Variants in STPG2 observed in about 807,000 individuals in gnomAD.
STPG2 encodes sperm-tail PG-rich repeat-containing protein 2.
STPG2 carries 56 observed loss-of-function variants against 54.2 expected under a neutral mutation model. The observed-to-expected ratio is 1.03, with a 90% CI of 0.83 to 1.29. The LOEUF (loss-of-function observed/expected upper bound fraction) is 1.29. Ranked by LOEUF, STPG2 falls within the 50% of genes most tolerant of loss-of-function variation. The pLI is 0.00. For synonymous variants in STPG2, 200 were observed against 181.8 expected (o/e 1.10, Z -0.81); for missense variants, 596 against 544.9 (o/e 1.09, Z -0.93).
At chr4:97,883,516 G>A (rs1730453690) in intron 8 of STPG2, among the ~76,000 whole-genome samples, 1 of 151,998 alleles carries the variant, frequency 6.6e-6, no homozygotes, top group Non-Finnish European at 1.5e-5. Flanking sequence ...TAGTGGAAAA[G>A]GTGACTAACA....
intron 10 of STPG2, among the ~76,000 whole-genome samples, chr4:97,605,697 T>C (rs1373128298): frequency 4.6e-5 from 7 of 151,708 alleles, no homozygotes; most frequent in Non-Finnish European, 1.5e-5. Flanking sequence ...TCATTATGAT[T>C]CCTATACTGT....
At chr4:97,467,258 C>T (rs982704095) in intron 4 of STPG2, among the ~76,000 whole-genome samples, 3 of 151,750 alleles carry the variant, frequency 2.0e-5, no homozygotes, top group Non-Finnish European at 4.4e-5. Flanking sequence ...AGAGGTTTAT[C>T]ATTTGATAAA....
intron 5 of STPG2, among the ~76,000 whole-genome samples, chr4:97,993,527 T>A (rs1441923540): frequency 6.7e-6 from 1 of 148,210 alleles, no homozygotes; most frequent in Non-Finnish European, 1.5e-5. Context: ...GGGATATTGG[T>A]CTTTAGTTTT....
chr4:97,744,341 A>G (rs1290796506), intron 9 of STPG2, among the ~76,000 whole-genome samples: 1 of 151,276 alleles, frequency 6.6e-6, no homozygotes, highest in Admixed American at 6.6e-5. Flanking sequence ...TCTTATCTTG[A>G]TGTCAAATGG....
chr4:97,707,727 G>A (rs1723993093), intron 10 of STPG2, among the ~76,000 whole-genome samples: 1 of 152,006 alleles, frequency 6.6e-6, no homozygotes, highest in Non-Finnish European at 1.5e-5. Context: ...CAAATTATAA[G>A]TGAAAGGAAG....
intron 1 of STPG2, among the ~76,000 whole-genome samples, chr4:98,139,961 C>T (rs1193398687): frequency 6.6e-6 from 1 of 152,106 alleles, no homozygotes; most frequent in Non-Finnish European, 1.5e-5. Context: ...GTGGTTATTG[C>T]CCTCAAGCAG....
At chr4:97,781,864 CT>C (rs946575749) in intron 9 of STPG2, among the ~76,000 whole-genome samples, 1 of 152,118 alleles carries the variant, frequency 6.6e-6, no homozygotes, top group Admixed American at 6.6e-5. Context: ...CAGAAGAGGC[CT>C]TTGACAAAAT....
rs868258222 is a variant in STPG2, at chr4:98,128,585, G to A, written c.230C>T (p.Ser77Leu). Residue 77 changes from serine (S) to leucine (L), a missense_variant, in exon 3 of 11, where the codon TCA becomes TTA. By Grantham distance (145) the Ser-to-Leu change is moderately radical. Transcript: ENST00000295268. The part of the protein sequence containing the change: ...HYNVSEAQKI[S>L]RSPTLTRSVD... ...ACTTCTGGTAAGTGTAGGTGATCTT[G>A]AAATTTTCTGCAAGGAAAACATTTT... 1.4e-5 allele frequency: 22 copies of A among 1,580,978 alleles called. No individual in the cohort carries two copies. In the Admixed American group the frequency reaches 4.0e-4, roughly 29 times the overall value.
chr4:97,640,120 G>A (rs1383711778), intron 10 of STPG2, among the ~76,000 whole-genome samples: 2 of 152,010 alleles, frequency 1.3e-5, no homozygotes, highest in Admixed American at 6.6e-5. Flanking sequence ...TGTGACACCA[G>A]TAGAAAGGCA....
chr4:97,835,113 C>T (rs748528588), intron 9 of STPG2, among the ~76,000 whole-genome samples: 3 of 151,856 alleles, frequency 2.0e-5, no homozygotes, highest in South Asian at 2.1e-4. Flanking sequence ...GATAGGAGGT[C>T]GACACAAGAT....
chr4:97,816,907 T>G (rs1453690543), intron 9 of STPG2, among the ~76,000 whole-genome samples: 1 of 149,212 alleles, frequency 6.7e-6, no homozygotes, highest in African/African-American at 2.4e-5. Context: ...CTCTCATATA[T>G]GCACATACAT....
chr4:97,495,553 G>GA (rs1360003122), intron 4 of STPG2, among the ~76,000 whole-genome samples: 1 of 150,922 alleles, frequency 6.6e-6, no homozygotes, highest in African/African-American at 2.4e-5. Context: ...AGTTCGGTTT[G>GA]AAAAAAATAG....
intron 10 of STPG2, among the ~76,000 whole-genome samples, chr4:97,669,211 T>A (rs1328452866): frequency 5.9e-5 from 9 of 152,146 alleles, no homozygotes; most frequent in Non-Finnish European, 1.5e-5. Context: ...ACCTAATTAG[T>A]CTGCAAAAAT....
At chr4:97,678,713 G>A (rs1266296268) in intron 10 of STPG2, among the ~76,000 whole-genome samples, 3 of 151,620 alleles carry the variant, frequency 2.0e-5, no homozygotes, top group Non-Finnish European at 4.4e-5. Context: ...CCATGCTGGT[G>A]TGCTGCACCC....
chr4:98,040,688 T>C (rs747123343), intron 5 of STPG2, among the ~76,000 whole-genome samples: 2 of 152,014 alleles, frequency 1.3e-5, no homozygotes, highest in Non-Finnish European at 1.5e-5. Flanking sequence ...TCTATTTTTA[T>C]ACCAGTACCA....
chr4:97,634,221 A>T (rs1721417190), intron 10 of STPG2, among the ~76,000 whole-genome samples: 1 of 152,162 alleles, frequency 6.6e-6, no homozygotes, highest in South Asian at 2.1e-4. Flanking sequence ...GGCACCCTCC[A>T]GCAGGGGCAC....
At chr4:97,975,401 C>T (rs1342690986) in intron 6 of STPG2, among the ~76,000 whole-genome samples, 3 of 152,090 alleles carry the variant, frequency 2.0e-5, no homozygotes, top group African/African-American at 7.2e-5. Flanking sequence ...TATCATTTGA[C>T]CTCCCTGTCA....
At chr4:98,035,959 AGG>A (rs1393248367) in intron 5 of STPG2, among the ~76,000 whole-genome samples, 1 of 147,810 alleles carries the variant, frequency 6.8e-6, no homozygotes. Flanking sequence ...GGTGGGGGCT[AGG>A]GGAGGGATAG....
intron 4 of STPG2, among the ~76,000 whole-genome samples, chr4:97,536,146 A>G (rs1309960580): frequency 3.3e-5 from 5 of 152,160 alleles, no homozygotes; most frequent in African/African-American, 9.7e-5. Flanking sequence ...TGCAAAATTA[A>G]ATAATTTTTA....
Sources: gnomAD v4.1 joint callset for allele counts (sites outside exome capture counted in the v4.1 genomes callset) on GRCh38, gnomAD v4.1.1 for gene constraint, MANE v1.5 for transcripts, NCBI Gene and HGNC (gene_info 2026-07-23, HGNC 2026-07-21) for gene names.